SRP68: variants seen among roughly 807,000 people sequenced by gnomAD.
SRP68 encodes the protein signal recognition particle 68.
SRP68 carries 15 observed loss-of-function variants against 82.2 expected under a neutral mutation model. The observed-to-expected ratio is 0.18, with a 90% CI of 0.12 to 0.28. SRP68 has a LOEUF of 0.28. Among genes scored for constraint, SRP68 ranks in the 10% least tolerant of loss-of-function variants. The probability of loss-of-function intolerance (pLI) is 1.00; values close to 1 mark genes in which losing one functional copy is unlikely to be tolerated. For missense variants in SRP68, 595 were observed against 780.5 expected, an observed-to-expected ratio of 0.76 and a Z score of 2.83; for synonymous variants, 261 against 292.6, an observed-to-expected ratio of 0.89 and a Z score of 1.10.
chr17:76,066,616 T>A (rs890960910), intron 3 of SRP68, among the ~76,000 whole-genome samples: 1 of 151,774 alleles, frequency 6.6e-6, no homozygotes, highest in Non-Finnish European at 1.5e-5. Context: ...GTTTTTTTTT[T>A]TTTTTTTTGG....
Position 76,039,887 on chromosome 17 carries a change from A to G in SRP68, c.1703T>C (p.Val568Ala). The G allele has an allele frequency of 6.2e-7, 1 of 1,614,258 alleles. No individual in the cohort carries two copies. The highest frequency in any genetic ancestry group is 1.1e-5 in the South Asian group (1 of 91,090). The change falls in exon 16 of 16, where the codon GTC becomes GCC. Residue 568 changes from valine (V) to alanine (A), a missense_variant. By Grantham distance (64) the Val-to-Ala change is moderately conservative. Around this residue, in one of 2 missense-constraint regions of SRP68, gnomAD observed 495 missense variants for 688.6 expected, o/e 0.72. Coordinates refer to ENST00000307877, the MANE Select transcript of SRP68 (RefSeq NM_014230.4). ...FETFCLDPSL[V>A]TKQANLVHFP... ...GTGCACAAGGTTGGCTTGCTTGGTG[A>G]CAAGGGAAGGGTCCAGGCAGAATGT...
At chr17:76,049,558 G>A (rs1482226644) in intron 9 of SRP68, 2 of 152,172 alleles carry the variant, frequency 1.3e-5, no homozygotes, top group Non-Finnish European at 2.9e-5. Context: ...AACAGACTAA[G>A]GAAGGCTTGT....
chr17:76,048,077 A>C, intron 9 of SRP68, 107 bp from the exon 10 acceptor site: 1 of 535,184 alleles, frequency 1.9e-6, no homozygotes, highest in Non-Finnish European at 3.2e-6. Flanking sequence ...ATAGACACAA[A>C]CTCTAGTAAG....
chr17:76,064,581 C>T lies in SRP68; in HGVS notation c.366-410G>A, dbSNP rs150986422. Among the ~76,000 whole-genome samples the T allele has an allele frequency of 6.8e-4, 103 of 152,142 alleles. 1 individual carries two copies. The highest frequency in any genetic ancestry group is 1.5e-4 in the Non-Finnish European group (10 of 68,008). On this transcript the variant is annotated intron_variant, in intron 3 of 15. Coordinates refer to ENST00000307877, the MANE Select transcript of SRP68 (RefSeq NM_014230.4). ...ATTGCCTAGGTGCGGTGGTTCACAC[C>T]TATAATCCCAGCACTTTGGGAGGCT...
intron 7 of SRP68, 90 bp from the exon 8 acceptor site, chr17:76,057,633 T>C: frequency 7.2e-7 from 1 of 1,394,546 alleles, no homozygotes; most frequent in Non-Finnish European, 1.0e-6. Flanking sequence ...TGTCTCTTTG[T>C]ATAACCAACA....
At chr17:76,052,991 G>T (rs1019818627) in intron 8 of SRP68, among the ~76,000 whole-genome samples, 1 of 151,792 alleles carries the variant, frequency 6.6e-6, no homozygotes, top group Admixed American at 6.6e-5. Context: ...GTCGGACGCG[G>T]TGGCTCACGC....
At chr17:76,043,317 A>G (rs1380455764) in intron 13 of SRP68, 2 of 152,026 alleles carry the variant, frequency 1.3e-5, no homozygotes, top group East Asian at 3.9e-4. Flanking sequence ...GGGAGCTGAG[A>G]GGCTGCATTC....
intron 15 of SRP68, 114 bp from the exon 16 acceptor site, chr17:76,040,047 C>T (rs1465955672): frequency 2.1e-5 from 21 of 1,016,264 alleles, no homozygotes; most frequent in South Asian, 3.1e-5. Flanking sequence ...CTCACTCAAT[C>T]ACTCAATCCC....
At chr17:76,067,194 A>G in intron 3 of SRP68, 23 bp downstream of exon 3, 1 of 1,547,714 alleles carries the variant, frequency 6.5e-7, no homozygotes, top group Non-Finnish European at 8.9e-7. Context: ...AGTAATTTGC[A>G]ACTAGCATGG....
chr17:76,072,323 T>G lies in SRP68; in HGVS notation c.169A>C (p.Ser57Arg). The change falls in exon 1 of 16, where the codon AGC becomes CGC. Residue 57 changes from serine to arginine, a missense_variant. This residue lies in a region of SRP68 where 100 missense variants were observed against 91.9 expected (regional missense o/e 1.09). Coordinates refer to ENST00000307877, the MANE Select transcript of SRP68 (RefSeq NM_014230.4). This position sits in a 1 kb window ranked among gnomAD's most constrained non-coding sequence, Gnocchi z 4.5. ...GSKANKEFGD[S>R]LSLEILQIIK... is the part of the protein sequence containing the mutation. ...TCTAGGATACTCTCCAAACTCAGGC[T>G]ATCCCCAAATTCTTTGTTTGCCTTC... 1 of 1,612,328 alleles carries G rather than the reference T, an allele frequency of 6.2e-7. No individual in the cohort carries two copies.
intron 8 of SRP68, 103 bp from the exon 9 acceptor site, chr17:76,050,629 T>A: frequency 1.4e-6 from 1 of 721,690 alleles, no homozygotes; most frequent in Admixed American, 2.0e-5. Flanking sequence ...AACCACACAC[T>A]CACTCACGCA....
chr17:76,043,886 G>T lies in SRP68; in HGVS notation c.1467C>A (p.Val489=), dbSNP rs1739337681. ...WSEALVLYDR[V]LKYANEVNSD... ...AATTTACTTCATTTGCATATTTCAG[G>T]ACTCTGTCATACAGGACAAGGGCTT... Residue 489 remains valine, a synonymous_variant, in exon 13 of 16, where the codon GTC becomes GTA. Transcript: ENST00000307877. 1 of 1,611,862 alleles carries T rather than the reference G, an allele frequency of 6.2e-7. No homozygotes were observed. The highest frequency in any genetic ancestry group is 8.5e-7 in the Non-Finnish European group (1 of 1,179,440).
intron 8 of SRP68, 58 bp from the exon 9 acceptor site, chr17:76,050,584 A>C: frequency 1.5e-6 from 2 of 1,354,044 alleles, no homozygotes; most frequent in Non-Finnish European, 2.1e-6. Flanking sequence ...TAGTCACCTA[A>C]TGGGAGAGGA....
rs1468755686 is a variant in SRP68 at position 76,043,963 on chromosome 17, T to C, written c.1395-5A>G. 1.3e-6 allele frequency: 2 copies of C among 1,599,034 alleles called. 1 individual carries two copies. Among genetic ancestry groups the C allele is most frequent in the South Asian group, 2.3e-5 (2 of 87,998 alleles). ...GACTGAGCAATGAAAAAACACCTGA[T>C]GGGGAGGGAAAAGAGCCACAATATT... On this transcript the variant is annotated splice_region_variant and splice_polypyrimidine_tract_variant and intron_variant, in intron 12 of 15. Coordinates refer to ENST00000307877, the MANE Select transcript of SRP68 (RefSeq NM_014230.4).
At position 76,059,267 on chromosome 17, in the gene SRP68, G is replaced by A. The variant is rs535903081; in HGVS notation, c.837+1041C>T. On this transcript the variant is annotated intron_variant, in intron 7 of 15. Coordinates refer to ENST00000307877, the MANE Select transcript of SRP68 (RefSeq NM_014230.4). Reference sequence around the variant, plus strand: ...TCAAAAAAATAATAATAAGTAAGCCGGGCGCGGTGGCTCACGCCTATACTC... The same window carrying A: ...TCAAAAAAATAATAATAAGTAAGCCAGGCGCGGTGGCTCACGCCTATACTC... 2.1e-4 allele frequency among the ~76,000 whole-genome samples: 32 copies of A among 152,224 alleles called. No individual in the cohort carries two copies. In the South Asian group the frequency reaches 5.8e-3, roughly 28 times the overall value.
chr17:76,071,429 A>G lies in SRP68; in HGVS notation c.184+879T>C, dbSNP rs2066852136. Among the ~76,000 whole-genome samples the G allele has an allele frequency of 6.6e-6, 1 of 152,228 alleles. No homozygotes were observed. Among genetic ancestry groups the G allele is most frequent in the Non-Finnish European group, 1.5e-5 (1 of 68,032 alleles). On this transcript the variant is annotated intron_variant, in intron 1 of 15. Transcript: ENST00000307877. The surrounding 1 kb of genome is among the most constrained non-coding windows in gnomAD (Gnocchi z 4.7). ...TTTAATGTTTCCTCAACACTTCTCT[A>G]GAGACATATTTTAAAATAGTGAACG...
intron 2 of SRP68, among the ~76,000 whole-genome samples, chr17:76,068,739 C>T (rs1418525018): frequency 6.6e-6 from 1 of 152,032 alleles, no homozygotes; most frequent in African/African-American, 2.4e-5. Flanking sequence ...ACATAGTTGT[C>T]CACTAATATA....
chr17:76,055,807 C>CCTT (rs1175189392), intron 8 of SRP68, among the ~76,000 whole-genome samples: 1 of 106,568 alleles, frequency 9.4e-6, no homozygotes, highest in Non-Finnish European at 1.8e-5. Context: ...TTTTTTTCTT[C>CCTT]TTTTTTTTTT....
At chr17:76,063,276 T>C (rs1473429160) in intron 4 of SRP68, among the ~76,000 whole-genome samples, 1 of 152,210 alleles carries the variant, frequency 6.6e-6, no homozygotes. Context: ...CCTTGCAATA[T>C]CTACCATCTC....
Sources: gnomAD v4.1 joint callset for allele counts (sites outside exome capture counted in the v4.1 genomes callset) on GRCh38, gnomAD v4.1.1 for gene constraint, gnomAD v4.1.1 regional missense constraint, Gnocchi (gnomAD v3.1) non-coding constraint, MANE v1.5 for transcripts, NCBI Gene and HGNC (gene_info 2026-07-23, HGNC 2026-07-21) for gene names.